NNMT: variants seen among roughly 807,000 people sequenced by gnomAD.
NNMT encodes the protein nicotinamide N-methyltransferase.
Under a neutral mutation model 11.7 loss-of-function variants are expected in NNMT, and 10 were observed. That is an observed-to-expected ratio of 0.85 (90% CI 0.53 to 1.45). The LOEUF (loss-of-function observed/expected upper bound fraction) is 1.45, where lower values mean the gene tolerates loss of function less well. Among genes scored for constraint, NNMT ranks in the 40% most tolerant of loss-of-function variants. The pLI is 0.00. For synonymous variants in NNMT, 143 were observed against 133.8 expected (o/e 1.07, Z -0.48); for missense variants, 381 against 319.4 (o/e 1.19, Z -1.47).
chr11:114,279,129 T>C (rs530449684), intron 2 of NNMT, among the ~76,000 whole-genome samples: 85 of 152,174 alleles, frequency 5.6e-4, no homozygotes, highest in Non-Finnish European at 9.4e-4. Flanking sequence ...CAAGTCACCA[T>C]ATACACGTGG....
chr11:114,271,768 A>G (rs909897680), intron 2 of NNMT, among the ~76,000 whole-genome samples: 2 of 152,212 alleles, frequency 1.3e-5, no homozygotes, highest in African/African-American at 2.4e-5. Flanking sequence ...CTAAAACCCA[A>G]TGAAGACATC....
intron 2 of NNMT, among the ~76,000 whole-genome samples, chr11:114,263,382 C>T (rs1330248708): frequency 6.6e-6 from 1 of 152,196 alleles, no homozygotes; most frequent in East Asian, 1.9e-4. Flanking sequence ...TTTACCTTCC[C>T]TTCACCAGAC....
At chr11:114,310,913 T>C (rs1425294953) in intron 2 of NNMT, among the ~76,000 whole-genome samples, 1 of 152,260 alleles carries the variant, frequency 6.6e-6, no homozygotes, top group African/African-American at 2.4e-5. Context: ...TGATCATTTG[T>C]TTGTTTGTTC....
At chr11:114,258,813 C>T (rs575176164) in intron 1 of NNMT, among the ~76,000 whole-genome samples, 55 of 152,346 alleles carry the variant, frequency 3.6e-4, no homozygotes, top group Admixed American at 7.8e-4. Flanking sequence ...AACCCCTACT[C>T]TGCTCCAGCC....
At chr11:114,274,182 G>A (rs117025693) in intron 2 of NNMT, among the ~76,000 whole-genome samples, 1,971 of 152,286 alleles carry the variant, frequency 0.013, 17 homozygotes, top group Middle Eastern at 0.031. Context: ...CCAAACAAAC[G>A]TGTCTCTCTA....
At chr11:114,279,834 C>T (rs1367892973) in intron 2 of NNMT, among the ~76,000 whole-genome samples, 1 of 152,144 alleles carries the variant, frequency 6.6e-6, no homozygotes, top group Non-Finnish European at 1.5e-5. Context: ...GGTGAGAGCG[C>T]ACAGAAAGAA....
At position 114,312,315 on chromosome 11, in the gene NNMT, C is replaced by A. The variant is rs376914323; in HGVS notation, c.633C>A (p.Phe211Leu). 1 of 1,614,122 alleles carries A rather than the reference C, an allele frequency of 6.2e-7. No homozygotes were observed. The highest frequency in any genetic ancestry group is 1.3e-5 in the African/African-American group (1 of 74,946). The change falls in exon 3 of 3, where the codon TTC (phenylalanine) becomes TTA (leucine). Residue 211 changes from phenylalanine to leucine, a missense_variant. Phe to Leu is a conservative substitution (Grantham distance 22). Coordinates refer to ENST00000299964, the MANE Select transcript of NNMT (RefSeq NM_006169.3). ...SSYYMIGEQK[F>L]SSLPLGREAV... ...ACTACATGATTGGTGAGCAGAAGTT[C>A]TCCAGCCTCCCCCTGGGCCGGGAGG...
At chr11:114,274,075 G>A (rs1256258502) in intron 2 of NNMT, among the ~76,000 whole-genome samples, 2 of 152,150 alleles carry the variant, frequency 1.3e-5, no homozygotes, top group African/African-American at 2.4e-5. Flanking sequence ...CCCCTGCTCA[G>A]TGCTGGGGAC....
At chr11:114,285,385 T>C (rs1289595868) in intron 2 of NNMT, among the ~76,000 whole-genome samples, 4 of 152,156 alleles carry the variant, frequency 2.6e-5, no homozygotes, top group African/African-American at 9.7e-5. Context: ...GCCTCATTTT[T>C]ACCCCAAAGG....
upstream of NNMT, among the ~76,000 whole-genome samples, chr11:114,291,717 C>A (rs1005486747): frequency 6.6e-6 from 1 of 152,058 alleles, no homozygotes; most frequent in African/African-American, 2.4e-5. Context: ...GTGGACTCGT[C>A]CTCTAAGTTT....
upstream of NNMT, among the ~76,000 whole-genome samples, chr11:114,295,600 A>AT (rs979180074): frequency 2.9e-4 from 42 of 143,958 alleles, no homozygotes; most frequent in Non-Finnish European, 4.3e-4. Flanking sequence ...AATTTTTTGT[A>AT]TTTTTTTTTT....
upstream of NNMT, among the ~76,000 whole-genome samples, chr11:114,295,214 C>G (rs1405892755): frequency 6.6e-6 from 1 of 152,098 alleles, no homozygotes; most frequent in Non-Finnish European, 1.5e-5. Flanking sequence ...AGGTGGGACA[C>G]CCGGCAACAT....
chr11:114,264,564 G>C (rs756297785), intron 2 of NNMT, among the ~76,000 whole-genome samples: 15 of 152,182 alleles, frequency 9.9e-5, no homozygotes, highest in Non-Finnish European at 4.4e-5. Context: ...CCAGCTGGGT[G>C]CTCTCTAACT....
intron 2 of NNMT, among the ~76,000 whole-genome samples, chr11:114,289,289 A>G (rs1446665355): frequency 6.6e-6 from 1 of 152,098 alleles, no homozygotes; most frequent in Non-Finnish European, 1.5e-5. Context: ...TTTTGCCTTG[A>G]TCATTCTAGC....
chr11:114,294,877 C>T (rs559172026), upstream of NNMT, among the ~76,000 whole-genome samples: 12 of 152,220 alleles, frequency 7.9e-5, no homozygotes, highest in East Asian at 5.8e-4. Flanking sequence ...TTTTTTGGCT[C>T]TCAGTGTATA....
intron 2 of NNMT, among the ~76,000 whole-genome samples, chr11:114,307,836 C>A (rs1443122999): frequency 6.6e-6 from 1 of 151,880 alleles, no homozygotes; most frequent in African/African-American, 2.4e-5. Flanking sequence ...TCCTCTATAT[C>A]TCTGCTTGCC....
In NNMT at chr11:114,306,388, A is replaced by G. The variant is rs145009777; in HGVS notation, c.363-5657A>G. Among the ~76,000 whole-genome samples, 123 of 152,138 alleles carry G rather than the reference A, an allele frequency of 8.1e-4. 2 individuals are homozygous for G. The East Asian group carries it at 0.022, about 28-fold the overall frequency. On this transcript the variant is annotated intron_variant, in intron 2 of 2. Transcript: ENST00000299964. Reference sequence around the variant, plus strand: ...TTTGTTAATTTTGGCTTTTGTTGCTATTGCTTTTGGTGTTTTAGACATGAA... The same window carrying G: ...TTTGTTAATTTTGGCTTTTGTTGCTGTTGCTTTTGGTGTTTTAGACATGAA...
intron 1 of NNMT, among the ~76,000 whole-genome samples, chr11:114,261,585 A>AAAACAAACAAACAAAC (rs111300493): frequency 6.6e-6 from 1 of 151,808 alleles, no homozygotes; most frequent in African/African-American, 2.4e-5. Context: ...ACTCCATCTC[A>AAAACAAACAAACAAAC]AAACAAACAA....
intron 2 of NNMT, among the ~76,000 whole-genome samples, chr11:114,272,923 T>C (rs2135249424): frequency 6.6e-6 from 1 of 152,328 alleles, no homozygotes; most frequent in East Asian, 1.9e-4. Context: ...TACCTGCCAC[T>C]GTACCCTACA....
Sources: allele counts gnomAD v4.1 joint callset (sites outside exome capture counted in the v4.1 genomes callset), GRCh38; gene constraint gnomAD v4.1.1; transcripts MANE v1.5; gene names NCBI Gene and HGNC (gene_info 2026-07-23, HGNC 2026-07-21).